The following TP63 variants were observed in gnomAD, a reference collection of about 807,000 sequenced individuals.
TP63 encodes tumor protein 63.
Under a neutral mutation model 82.8 loss-of-function variants are expected in TP63, and 17 were observed. The ratio of observed to expected loss-of-function variants is 0.21; its 90% CI spans 0.14 to 0.31. The LOEUF is 0.31. Among genes scored for constraint, TP63 ranks in the 10% least tolerant of loss-of-function variants. The pLI is 1.00. For synonymous variants in TP63, 330 were observed against 321.7 expected, an observed-to-expected ratio of 1.03 and a Z score of -0.28; for missense variants, 648 against 895.3, an observed-to-expected ratio of 0.72 and a Z score of 3.52.
intron 4 of TP63, among the ~76,000 whole-genome samples, chr3:189,817,312 G>T (rs752337234): frequency 3.3e-5 from 5 of 152,094 alleles, no homozygotes; most frequent in Admixed American, 6.5e-5. Flanking sequence ...ATTACTTAAG[G>T]GTTCTCATTT....
At chr3:189,731,972 T>G (rs558682484) in intron 1 of TP63, among the ~76,000 whole-genome samples, 1 of 152,334 alleles carries the variant, frequency 6.6e-6, no homozygotes, top group South Asian at 2.1e-4. Context: ...AAAATGGAAA[T>G]TAATACTGAG....
intron 11 of TP63, among the ~76,000 whole-genome samples, chr3:189,889,010 C>T (rs1367507528): frequency 1.3e-5 from 2 of 152,054 alleles, no homozygotes; most frequent in African/African-American, 4.8e-5. Flanking sequence ...GTGAGGGAGA[C>T]AGAAATATCA....
chr3:189,709,456 C>T (rs1384223537), intron 1 of TP63, among the ~76,000 whole-genome samples: 3 of 152,030 alleles, frequency 2.0e-5, no homozygotes, highest in African/African-American at 4.8e-5. Context: ...AGCCCACAGT[C>T]TGAAACCGAA....
intron 1 of TP63, among the ~76,000 whole-genome samples, chr3:189,688,487 C>T (rs1035233979): frequency 1.3e-5 from 2 of 152,222 alleles, no homozygotes; most frequent in African/African-American, 4.8e-5. Flanking sequence ...ACTACAATAC[C>T]TCTGTGTCCT....
At chr3:189,795,198 G>A (rs1725571123) in intron 3 of TP63, among the ~76,000 whole-genome samples, 2 of 152,056 alleles carry the variant, frequency 1.3e-5, no homozygotes, top group African/African-American at 4.8e-5. Flanking sequence ...CAGACACAAT[G>A]ATTTTGAAGT....
chr3:189,880,152 C>T, intron 10 of TP63: 1 of 1,613,752 alleles, frequency 6.2e-7, no homozygotes, highest in Non-Finnish European at 8.5e-7. Flanking sequence ...ACATTCCAAG[C>T]CCCCAAACCG....
intron 1 of TP63, among the ~76,000 whole-genome samples, chr3:189,688,912 T>C (rs1205949352): frequency 1.3e-5 from 2 of 152,040 alleles, no homozygotes; most frequent in African/African-American, 4.8e-5. Context: ...GATTTACAGG[T>C]CATCTTGTAT....
At chr3:189,706,308 G>A (rs1202002370) in intron 1 of TP63, among the ~76,000 whole-genome samples, 1 of 152,050 alleles carries the variant, frequency 6.6e-6, no homozygotes, top group Non-Finnish European at 1.5e-5. Context: ...CCAGGCTGGA[G>A]TACAGTGGCA....
intron 3 of TP63, among the ~76,000 whole-genome samples, chr3:189,798,982 A>C (rs574892368): frequency 6.6e-6 from 1 of 152,114 alleles, no homozygotes; most frequent in Non-Finnish European, 1.5e-5. Context: ...TAACTTAAAA[A>C]GTAGCAATCA....
intron 3 of TP63, among the ~76,000 whole-genome samples, chr3:189,774,888 C>T (rs900561160): frequency 3.9e-5 from 6 of 152,112 alleles, no homozygotes; most frequent in Admixed American, 1.3e-4. Context: ...CTTAGGTACG[C>T]GGTTGGCCAT....
the TP63 span, among the ~76,000 whole-genome samples, chr3:189,607,888 A>G: frequency 1.3e-5 from 2 of 152,118 alleles, no homozygotes; most frequent in Non-Finnish European, 1.5e-5. Context: ...TCATGACTCT[A>G]ATATTCTAAT....
intron 3 of TP63, among the ~76,000 whole-genome samples, chr3:189,745,576 G>A (rs775717360): frequency 1.2e-4 from 18 of 151,308 alleles, no homozygotes; most frequent in Non-Finnish European, 1.5e-4. Flanking sequence ...GCGTGATGGC[G>A]CATGCCTGTA....
intron 1 of TP63, among the ~76,000 whole-genome samples, chr3:189,673,707 T>C (rs771519874): frequency 1.3e-5 from 2 of 152,178 alleles, no homozygotes; most frequent in Admixed American, 1.3e-4. Flanking sequence ...GTTTCTGTTA[T>C]ACCTTGTGTA....
intron 3 of TP63, among the ~76,000 whole-genome samples, chr3:189,757,047 A>G (rs1722237487): frequency 6.6e-6 from 1 of 152,226 alleles, no homozygotes; most frequent in Non-Finnish European, 1.5e-5. Flanking sequence ...TTGGCAAAAT[A>G]TGCATACATA....
chr3:189,881,635 C>A, intron 10 of TP63: 1 of 654,246 alleles, frequency 1.5e-6, no homozygotes, highest in Non-Finnish European at 1.9e-6. Context: ...TTCCTACGTA[C>A]ATTTCTTCTG....
intron 1 of TP63, among the ~76,000 whole-genome samples, chr3:189,695,181 T>C (rs907924878): frequency 6.6e-6 from 1 of 152,150 alleles, no homozygotes; most frequent in Non-Finnish European, 1.5e-5. Flanking sequence ...TGTATCTGAA[T>C]ATTTATTTAT....
At chr3:189,709,651 T>C (rs1718451389) in intron 1 of TP63, among the ~76,000 whole-genome samples, 1 of 152,020 alleles carries the variant, frequency 6.6e-6, no homozygotes. Flanking sequence ...TCTCAAAAAA[T>C]AATAATAATA....
At chr3:189,673,281 C>G (rs1560100638) in intron 1 of TP63, among the ~76,000 whole-genome samples, 1 of 152,086 alleles carries the variant, frequency 6.6e-6, no homozygotes, top group Non-Finnish European at 1.5e-5. Flanking sequence ...CTGTAAAAAA[C>G]CTCCAGCTAA....
chr3:189,894,214 A>G lies in TP63; in HGVS notation c.1755A>G (p.Ala585=). 1 of 1,614,110 alleles carries G rather than the reference A, an allele frequency of 6.2e-7. No homozygotes were observed. Among genetic ancestry groups the G allele is most frequent in the Middle Eastern group, 1.6e-4 (1 of 6,062 alleles). Residue 585 remains alanine (A), a synonymous_variant, in exon 14 of 14, where the codon GCA becomes GCG. Transcript: ENST00000264731. ...QIEHYSMDDL[A]SLKIPEQFRH... The stretch of plus-strand genomic sequence containing the variant: ...CTTCCCCTGTTGCACAGGATCTGGC[A>G]AGTCTGAAAATCCCTGAGCAATTTC...
Sources: allele counts gnomAD v4.1 joint callset (sites outside exome capture counted in the v4.1 genomes callset), GRCh38; gene constraint gnomAD v4.1.1; transcripts MANE v1.5; gene names NCBI Gene and HGNC (gene_info 2026-07-23, HGNC 2026-07-21).